EPGN: variants seen among roughly 807,000 people sequenced by gnomAD.
EPGN encodes the protein epigen.
EPGN carries 21 observed loss-of-function variants against 20.7 expected under a neutral mutation model. The ratio of observed to expected loss-of-function variants is 1.01; its 90% confidence interval spans 0.72 to 1.46. The LOEUF (loss-of-function observed/expected upper bound fraction) is 1.46. EPGN is among the 40% of genes most tolerant of loss of function. The pLI is 0.00. For missense variants in EPGN, 199 were observed against 180.7 expected, an observed-to-expected ratio of 1.10 and a Z score of -0.58; for synonymous variants, 69 against 63.8, an observed-to-expected ratio of 1.08 and a Z score of -0.39.
rs1750684079 is a variant in EPGN, at chr4:74,308,581, G to T, written c.43+5G>T. 3.1e-6 allele frequency: 5 copies of T among 1,608,148 alleles called. No homozygotes were observed. Among genetic ancestry groups the T allele is most frequent in the Non-Finnish European group, 4.3e-6 (5 of 1,176,368 alleles). On this transcript the variant is annotated splice_donor_5th_base_variant and intron_variant, in intron 1 of 4. Coordinates refer to ENST00000413830, the MANE Select transcript of EPGN (RefSeq NM_001270989.2). ...CAGTCTATCTTTTATTCAACGGTAG[G>T]TAATTTCCTTTTGTTTTGTTAACTT...
intron 4 of EPGN, 115 bp downstream of exon 4, chr4:74,313,285 G>T: frequency 7.0e-7 from 1 of 1,420,282 alleles, no homozygotes; most frequent in Non-Finnish European, 9.1e-7. Context: ...TTAAAAAAGA[G>T]CTGTAATCTG....
rs946240451 is a variant in EPGN at position 74,314,063 on chromosome 4, C to T, written c.408-517C>T. Reference sequence around the variant, plus strand: ...TCTCTGAGGTCAGATTTCCTAGAAGCGGAGCCTTCAGATAGAGATTGCTGT... The same window carrying T: ...TCTCTGAGGTCAGATTTCCTAGAAGTGGAGCCTTCAGATAGAGATTGCTGT... On this transcript the variant is annotated intron_variant, in intron 4 of 4. Transcript: ENST00000413830. 2.0e-5 allele frequency: 9 copies of T among 454,508 alleles called. No homozygotes were observed. The East Asian group carries it at 2.1e-4, about 11-fold the overall frequency. The allele number at this position is 454,508 out of a possible 1,614,324, so 28.2% of individuals were successfully genotyped here.
chr4:74,310,843 A>T (rs372489094), intron 2 of EPGN, among the ~76,000 whole-genome samples: 4 of 152,210 alleles, frequency 2.6e-5, no homozygotes, highest in East Asian at 3.8e-4. Flanking sequence ...ACGCTATGCA[A>T]ATAGTTGTTA....
At chr4:74,310,088 G>T (rs1379155888) in intron 2 of EPGN, among the ~76,000 whole-genome samples, 1 of 152,134 alleles carries the variant, frequency 6.6e-6, no homozygotes, top group Non-Finnish European at 1.5e-5. Flanking sequence ...GTGGGTTATA[G>T]AATAACTTTT....
chr4:74,310,835 G>A (rs567957616), intron 2 of EPGN, among the ~76,000 whole-genome samples: 4 of 152,178 alleles, frequency 2.6e-5, no homozygotes, highest in Non-Finnish European at 5.9e-5. Context: ...CATTGTAAAC[G>A]CTATGCAAAT....
chr4:74,312,408 G>C, intron 3 of EPGN, 103 bp downstream of exon 3: 1 of 1,357,718 alleles, frequency 7.4e-7, no homozygotes, highest in Non-Finnish European at 9.8e-7. Flanking sequence ...TAGTTTAAAA[G>C]GGTGCATAAT....
At chr4:74,309,220 C>A (rs1429143837) in intron 2 of EPGN, 38 bp downstream of exon 2, 2 of 1,576,486 alleles carry the variant, frequency 1.3e-6, no homozygotes, top group Admixed American at 1.7e-5. Flanking sequence ...CAAGACTTTT[C>A]TAAAACTTGG....
intron 1 of EPGN, 54 bp from the exon 2 acceptor site, chr4:74,309,039 C>A: frequency 1.6e-6 from 2 of 1,278,846 alleles, no homozygotes; most frequent in Non-Finnish European, 2.3e-6. Context: ...CCATCTGTTG[C>A]TTGTACATAG....
chr4:74,316,156 G>A lies in EPGN; in HGVS notation c.*1519G>A, dbSNP rs12642047. Among the ~76,000 whole-genome samples the A allele has an allele frequency of 0.035, 5,371 of 152,120 alleles. 286 individuals are homozygous for A. The highest frequency in any genetic ancestry group is 0.13 in the Admixed American group (1,997 of 15,258). On this transcript the variant is annotated 3_prime_UTR_variant, in exon 5 of 5. Transcript: ENST00000413830. ...GTGAGATCCTCAACATCAGCATGTT[G>A]AGATGGACCTCAACCCCACCTCTAA...
Position 74,314,789 on chromosome 4 carries a change from C to T in EPGN, c.*152C>T, listed in dbSNP as rs942078054. 7.1e-5 allele frequency: 53 copies of T among 745,698 alleles called. No homozygotes were observed. The African/African-American group carries it at 7.4e-4, about 10-fold the overall frequency. 46.2% of individuals were successfully genotyped at this position (745,698 alleles called of 1,614,324 possible). ...AATGAAATGAGAAGATAAAATTCAG[C>T]GTTGGCCTTTAGACTTTGCCATCCT... is the stretch of plus-strand genomic sequence containing the variant. On this transcript the variant is annotated 3_prime_UTR_variant, in exon 5 of 5. Transcript: ENST00000413830.
At chr4:74,309,735 A>G (rs1157534581) in intron 2 of EPGN, among the ~76,000 whole-genome samples, 5 of 152,084 alleles carry the variant, frequency 3.3e-5, no homozygotes, top group Non-Finnish European at 7.3e-5. Flanking sequence ...GCACTTAATT[A>G]TTATCACAGT....
Position 74,316,204 on chromosome 4 carries a change from T to C in EPGN, c.*1567T>C, listed in dbSNP as rs1310301393. On this transcript the variant is annotated 3_prime_UTR_variant, in exon 5 of 5. Transcript: ENST00000413830. The stretch of plus-strand genomic sequence containing the variant: ...TAACCCTGAAACACACTACTCGATA[T>C]TATCTTAGGTATGTTTTAGGGTTTA... 6.6e-6 allele frequency among the ~76,000 whole-genome samples: 1 copy of C among 152,160 alleles called. No individual in the cohort carries two copies.
intron 2 of EPGN, among the ~76,000 whole-genome samples, chr4:74,311,276 C>G (rs932642261): frequency 6.6e-6 from 1 of 152,044 alleles, no homozygotes; most frequent in Non-Finnish European, 1.5e-5. Context: ...AAAATTCTCA[C>G]TGCCTGAGAA....
At position 74,312,242 on chromosome 4, in the gene EPGN, A is replaced by T. The variant is rs781699681; in HGVS notation, c.191A>T (p.His64Leu). ...LKFSHLCLED[H>L]NSYCINGACA... is the part of the protein sequence containing the mutation. ...TTCTCACACCTTTGCCTGGAAGATC[A>T]TAACAGTTACTGCATCAACGGTGCT... Residue 64 changes from histidine to leucine, a missense_variant, in exon 3 of 5, where the codon CAT (histidine) becomes CTT (leucine). By Grantham distance (99) the His-to-Leu change is moderately conservative. Transcript: ENST00000413830. The T allele has an allele frequency of 6.2e-7, 1 of 1,613,520 alleles. No homozygotes were observed. The highest frequency in any genetic ancestry group is 8.5e-7 in the Non-Finnish European group (1 of 1,179,612).
intron 4 of EPGN, chr4:74,313,437 T>C: frequency 7.7e-7 from 1 of 1,296,542 alleles, no homozygotes; most frequent in South Asian, 2.8e-5. Context: ...ATCAAAATTA[T>C]AAATGAGGAG....
In EPGN at chr4:74,312,303, C is replaced by G. The variant is rs766354884; in HGVS notation, c.252C>G (p.Cys84Trp). The G allele has an allele frequency of 8.1e-6, 13 of 1,607,498 alleles. No individual in the cohort carries two copies. Among genetic ancestry groups the G allele is most frequent in the Non-Finnish European group, 1.1e-5 (13 of 1,177,968 alleles). ...ACCATGAGCTAGAGAAAGCCATCTG[C>G]AGGTAAATGCAAAGAAATATCCAAG... ...AFHHELEKAI[C>W]RCFTGYTGER... is the part of the protein sequence containing the mutation. Residue 84 changes from cysteine (C) to tryptophan (W), a missense_variant and splice_region_variant, in exon 3 of 5, where the codon TGC becomes TGG. Transcript: ENST00000413830.
chr4:74,314,173 G>T, intron 4 of EPGN: 2 of 461,780 alleles, frequency 4.3e-6, no homozygotes, highest in Non-Finnish European at 8.7e-6. Flanking sequence ...AGCACAAGAA[G>T]AAGCTAAGCA....
intron 1 of EPGN, 120 bp from the exon 2 acceptor site, chr4:74,308,973 T>G (rs926429856): frequency 1.3e-6 from 1 of 747,700 alleles, no homozygotes; most frequent in African/African-American, 1.8e-5. Flanking sequence ...GTTATGGATT[T>G]CAACTGTAAT....
chr4:74,313,233 G>T (rs771380797), intron 4 of EPGN, 63 bp downstream of exon 4: 42 of 1,536,618 alleles, frequency 2.7e-5, no homozygotes, highest in Non-Finnish European at 3.5e-5. Flanking sequence ...AGTTATTCAG[G>T]CCCTATAATG....
Sources: allele counts gnomAD v4.1 joint callset (sites outside exome capture counted in the v4.1 genomes callset), GRCh38; gene constraint gnomAD v4.1.1; transcripts MANE v1.5; gene names NCBI Gene and HGNC (gene_info 2026-07-23, HGNC 2026-07-21).